Variants in FHAD1 observed in about 807,000 individuals in gnomAD.
FHAD1 encodes forkhead associated phosphopeptide binding domain 1.
A neutral mutation model predicts 191.3 loss-of-function variants in FHAD1; 146 were observed. The observed-to-expected ratio is 0.76, with a 90% confidence interval of 0.67 to 0.88. The LOEUF is 0.88. FHAD1 is among the 40% of genes least tolerant of loss of function. The pLI is 0.00. For synonymous variants in FHAD1, 616 were observed against 672.3 expected (o/e 0.92, Z 1.29); for missense variants, 1,635 against 1,785.8 (o/e 0.92, Z 1.52).
intron 21 of FHAD1, 149 bp from the exon 22 acceptor site, chr1:15,360,329 G>T: frequency 1.5e-6 from 1 of 646,062 alleles, no homozygotes; most frequent in Non-Finnish European, 2.7e-6. Flanking sequence ...AGGAGCTGGG[G>T]AAGAAGTGCA....
chr1:15,281,952 C>T (rs1660770392), intron 3 of FHAD1, among the ~76,000 whole-genome samples: 1 of 152,044 alleles, frequency 6.6e-6, no homozygotes, highest in Non-Finnish European at 1.5e-5. Flanking sequence ...TTATTTGATT[C>T]TCTGTGCTAT....
chr1:15,238,250 G>GAACA (rs1553211077), intron 1 of FHAD1, among the ~76,000 whole-genome samples: 4 of 96,904 alleles, frequency 4.1e-5, no homozygotes, highest in African/African-American at 1.6e-4. Context: ...CCATCTCAAG[G>GAACA]AAAAAAAAAA....
At chr1:15,362,188 A>G (rs1695027848) in intron 22 of FHAD1, among the ~76,000 whole-genome samples, 1 of 152,236 alleles carries the variant, frequency 6.6e-6, no homozygotes, top group African/African-American at 2.4e-5. Flanking sequence ...TGAACACGTG[A>G]GGATAAACAA....
Position 15,294,458 on chromosome 1 carries a change from A to T in FHAD1, c.569-2226A>T, listed in dbSNP as rs548129886. Among the ~76,000 whole-genome samples the T allele has an allele frequency of 8.2e-4, 125 of 152,188 alleles. 1 individual carries two copies. The Middle Eastern group carries it at 0.01, about 12-fold the overall frequency. On this transcript the variant is annotated intron_variant, in intron 4 of 33. Transcript: ENST00000688493. The stretch of plus-strand genomic sequence containing the variant: ...ACCCAGGCTGGAGTGCAGTGGTGCA[A>T]TCTTGGCTCACTGCAACCTCTACCT...
chr1:15,301,125 C>CA, intron 5 of FHAD1, 80 bp from the exon 6 acceptor site: 1 of 1,283,228 alleles, frequency 7.8e-7, no homozygotes. Flanking sequence ...CCACCGCACC[C>CA]GGCCCCTACT....
In FHAD1 at chr1:15,375,685, T is replaced by A; in HGVS notation, c.3660T>A (p.Asp1220Glu). The A allele has an allele frequency of 6.5e-7, 1 of 1,547,192 alleles. No individual in the cohort carries two copies. Among genetic ancestry groups the A allele is most frequent in the African/African-American group, 1.4e-5 (1 of 72,882 alleles). ...ACAATGTCCAGAAAATACTACTGGA[T>A]GCAAAACCGGATTTGCCAACTCTCT... ...MENNVQKILL[D>E]AKPDLPTLSR... Residue 1220 changes from aspartate to glutamate, a missense_variant, in exon 28 of 34, where the codon GAT becomes GAA. Physicochemically the swap from Asp to Glu is conservative, Grantham distance 45. Coordinates refer to ENST00000688493, the MANE Select transcript of FHAD1 (RefSeq NM_001391957.1).
At position 15,329,846 on chromosome 1, in the gene FHAD1, A is replaced by T; in HGVS notation, c.1906+305A>T. ...CTCCAAGGCATTTTCCCATGGAAATAACCGCGTGATTCCAGGCAAGTGACT... is the reference window on the plus strand; with the variant it reads ...CTCCAAGGCATTTTCCCATGGAAATTACCGCGTGATTCCAGGCAAGTGACT... On this transcript the variant is annotated intron_variant, in intron 14 of 33. Coordinates refer to ENST00000688493, the MANE Select transcript of FHAD1 (RefSeq NM_001391957.1). This position sits in a 1 kb window ranked among gnomAD's most constrained non-coding sequence, Gnocchi z 5.0. 1 of 350,054 alleles carries T rather than the reference A, an allele frequency of 2.9e-6. No homozygotes were observed. The highest frequency in any genetic ancestry group is 5.4e-6 in the Non-Finnish European group (1 of 185,680). 21.7% of individuals were successfully genotyped at this position (350,054 alleles called of 1,614,324 possible).
chr1:15,371,021 A>G (rs1050903070), intron 26 of FHAD1, among the ~76,000 whole-genome samples: 17 of 152,212 alleles, frequency 1.1e-4, no homozygotes, highest in African/African-American at 3.6e-4. Context: ...TGTCCAGAGC[A>G]CTTTAACAGA....
At chr1:15,292,937 AAG>A (rs1665401105) in intron 4 of FHAD1, among the ~76,000 whole-genome samples, 1 of 152,218 alleles carries the variant, frequency 6.6e-6, no homozygotes, top group African/African-American at 2.4e-5. Flanking sequence ...TTTTAAAAGA[AAG>A]AATTAAACAT....
rs71587751 is a variant in FHAD1 at position 15,365,481 on chromosome 1, A to ATTTTTTTTTTTTTTTTTTT, written c.3048-344_3048-326dup. Among the ~76,000 whole-genome samples the ATTTTTTTTTTTTTTTTTTT allele has an allele frequency of 3.6e-4, 41 of 112,752 alleles. 5 individuals carry two copies. The highest frequency in any genetic ancestry group is 9.5e-4 in the African/African-American group (22 of 23,182). The allele number at this position is 112,752 out of a possible 152,430, so 74.0% of individuals were successfully genotyped here. A position where few individuals can be genotyped will look rare whatever the true frequency, so the allele number is the denominator to read the frequency against. Reference sequence around the variant, plus strand: ...AGCCACACACCACTATGCCTGGCTAATTTTTTTTTTTTTTTTTTTTGTAGA... The same window carrying ATTTTTTTTTTTTTTTTTTT: ...AGCCACACACCACTATGCCTGGCTAATTTTTTTTTTTTTTTTTTTTTTTTTTTTTTTTTTTTTTTGTAGA... On this transcript the variant is annotated intron_variant, in intron 23 of 33. Coordinates refer to ENST00000688493, the MANE Select transcript of FHAD1 (RefSeq NM_001391957.1).
chr1:15,328,358 C>A lies in FHAD1; in HGVS notation c.1639C>A (p.Leu547Met). Reference protein sequence around the residue: ...KKWTLQKETQLSNSKQEETTE... With the variant: ...KKWTLQKETQMSNSKQEETTE... ...GTGGACCCTCCAGAAAGAGACCCAG[C>A]TGAGCAACTCCAAGCAGGAGGAGAC... Residue 547 changes from leucine to methionine, a missense_variant, in exon 13 of 34, where the codon CTG becomes ATG. By Grantham distance (15) the Leu-to-Met change is conservative. Coordinates refer to ENST00000688493, the MANE Select transcript of FHAD1 (RefSeq NM_001391957.1). 2.6e-6 allele frequency: 4 copies of A among 1,549,228 alleles called. No individual in the cohort carries two copies. Among genetic ancestry groups the A allele is most frequent in the Non-Finnish European group, 3.5e-6 (4 of 1,146,184 alleles).
chr1:15,290,009 A>G (rs994888420), intron 4 of FHAD1, among the ~76,000 whole-genome samples: 6 of 152,168 alleles, frequency 3.9e-5, no homozygotes, highest in Admixed American at 3.9e-4. Context: ...TTGTGCAAAA[A>G]TATTAGTAAT....
At chr1:15,362,561 T>C in intron 22 of FHAD1, 81 bp from the exon 23 acceptor site, 1 of 1,157,490 alleles carries the variant, frequency 8.6e-7, no homozygotes, top group African/African-American at 1.5e-5. Context: ...GGTTTGTAAG[T>C]TGTGAAAGAC....
intron 2 of FHAD1, among the ~76,000 whole-genome samples, chr1:15,264,166 A>G (rs1652404324): frequency 6.6e-6 from 1 of 152,178 alleles, no homozygotes; most frequent in Non-Finnish European, 1.5e-5. Context: ...TTTCTGGGAA[A>G]AAAGAACACC....
intron 27 of FHAD1, among the ~76,000 whole-genome samples, chr1:15,374,968 C>T (rs1258669189): frequency 3.3e-5 from 5 of 150,184 alleles, no homozygotes; most frequent in Non-Finnish European, 5.9e-5. Context: ...TAGTGATTGT[C>T]CTGCCTCAGC....
intron 10 of FHAD1, 71 bp from the exon 11 acceptor site, chr1:15,324,381 C>A (rs1574344237): frequency 8.1e-7 from 1 of 1,231,970 alleles, no homozygotes; most frequent in Non-Finnish European, 1.2e-6. Flanking sequence ...CATTAGACAT[C>A]CTAGAGGAAT....
chr1:15,301,621 G>C (rs1668807155), intron 6 of FHAD1, among the ~76,000 whole-genome samples, 180 bp downstream of exon 6: 1 of 152,230 alleles, frequency 6.6e-6, no homozygotes, highest in South Asian at 2.1e-4. Context: ...GTAAGAACAA[G>C]ATCAGCCTTT....
chr1:15,299,705 G>C (rs577308119), intron 5 of FHAD1, among the ~76,000 whole-genome samples: 1 of 152,232 alleles, frequency 6.6e-6, no homozygotes, highest in Non-Finnish European at 1.5e-5. Flanking sequence ...AGGCTTCTCT[G>C]TACTTCAGTG....
In FHAD1 at chr1:15,318,184, T is replaced by G. The variant is rs1675084793; in HGVS notation, c.1365+256T>G. On this transcript the variant is annotated intron_variant, in intron 10 of 33. Transcript: ENST00000688493. This position sits in a 1 kb window ranked among gnomAD's most constrained non-coding sequence, Gnocchi z 4.1. ...CTGCCTTCTAAAACTGTTTCTTGCT[T>G]TTTGGTAATGAGACCCACCTCTGGC... 6.6e-6 allele frequency among the ~76,000 whole-genome samples: 1 copy of G among 152,196 alleles called. No homozygotes were observed. Among genetic ancestry groups the G allele is most frequent in the African/African-American group, 2.4e-5 (1 of 41,444 alleles).
Sources: allele counts gnomAD v4.1 joint callset (sites outside exome capture counted in the v4.1 genomes callset), GRCh38; gene constraint gnomAD v4.1.1; non-coding constraint Gnocchi (gnomAD v3.1); transcripts MANE v1.5; gene names NCBI Gene and HGNC (gene_info 2026-07-23, HGNC 2026-07-21).